The following NPY2R variants were observed in gnomAD, a reference collection of about 807,000 sequenced individuals.
The protein encoded by NPY2R is neuropeptide Y receptor type 2.
NPY2R carries 17 observed loss-of-function variants against 22.3 expected under a neutral mutation model. The observed-to-expected ratio is 0.76, with a 90% CI of 0.52 to 1.14. NPY2R has a LOEUF of 1.14. Among genes scored for constraint, NPY2R ranks in the 50% most tolerant of loss-of-function variants. The pLI is 0.00. For missense variants in NPY2R, 424 were observed against 467.9 expected, an observed-to-expected ratio of 0.91 and a Z score of 0.87; for synonymous variants, 209 against 183.4, an observed-to-expected ratio of 1.14 and a Z score of -1.13.
At position 155,214,811 on chromosome 4, in the gene NPY2R, T is replaced by C; in HGVS notation, c.872T>C (p.Val291Ala). 3 of 1,612,248 alleles carry C rather than the reference T, an allele frequency of 1.9e-6. No individual in the cohort carries two copies. Among genetic ancestry groups the C allele is most frequent in the Non-Finnish European group, 2.5e-6 (3 of 1,178,648 alleles). The change falls in exon 2 of 2, where the codon GTT becomes GCT. Residue 291 changes from valine (V) to alanine (A), a missense_variant. Val to Ala is a moderately conservative substitution (Grantham distance 64). Coordinates refer to ENST00000329476, the MANE Select transcript of NPY2R (RefSeq NM_000910.4). ...WLPLHAFQLA[V>A]DIDSQVLDLK... is the part of the protein sequence containing the mutation. ...CCTCTCCATGCCTTCCAGCTTGCCG[T>C]TGACATTGACAGCCAGGTCCTGGAC...
chr4:155,200,207 C>A, the NPY2R span, among the ~76,000 whole-genome samples: 1 of 152,050 alleles, frequency 6.6e-6, no homozygotes, highest in Non-Finnish European at 1.5e-5. Context: ...ACAGACACTT[C>A]TCAAAAGAAG....
chr4:155,174,965 C>G, the NPY2R span, among the ~76,000 whole-genome samples: 1 of 152,040 alleles, frequency 6.6e-6, no homozygotes, highest in Non-Finnish European at 1.5e-5. Flanking sequence ...AAACTATTCT[C>G]TAATGGAGAG....
chr4:155,208,698 C>G lies in NPY2R; in HGVS notation c.-420C>G, dbSNP rs1330512553. The G allele has an allele frequency of 2.0e-5, 3 of 152,926 alleles. No homozygotes were observed. The highest frequency in any genetic ancestry group is 1.5e-5 in the Non-Finnish European group (1 of 68,674). 9.5% of individuals were successfully genotyped at this position (152,926 alleles called of 1,614,324 possible). On this transcript the variant is annotated 5_prime_UTR_variant, in exon 1 of 2. Transcript: ENST00000329476. This position sits in a 1 kb window ranked among gnomAD's most constrained non-coding sequence, Gnocchi z 5.6. The stretch of plus-strand genomic sequence containing the variant: ...AAAACTTCTCCTCCAGTCCCCTCCC[C>G]TGCAGGACCATCGCCCGCAGCCTCT...
rs1245265569 is a variant in NPY2R at position 155,217,044 on chromosome 4, C to G, written c.*1959C>G. On this transcript the variant is annotated 3_prime_UTR_variant, in exon 2 of 2. Transcript: ENST00000329476. The stretch of plus-strand genomic sequence containing the variant: ...TAATAAAATACCTTTTATGTAGAGG[C>G]TTTATGTTGCAATTAAAAAGTTGGG... The G allele has an allele frequency of 1.8e-5, 3 of 166,120 alleles. No individual in the cohort carries two copies. The Admixed American group carries it at 2.0e-4, about 11-fold the overall frequency. 10.3% of individuals were successfully genotyped at this position (166,120 alleles called of 1,614,324 possible).
chr4:155,198,541 T>A, the NPY2R span, among the ~76,000 whole-genome samples: 7 of 84,214 alleles, frequency 8.3e-5, no homozygotes, highest in East Asian at 4.1e-3. Context: ...ATCAAATATC[T>A]TATATAAATA....
At chr4:155,180,126 T>C in the NPY2R span, among the ~76,000 whole-genome samples, 2 of 151,962 alleles carry the variant, frequency 1.3e-5, no homozygotes, top group Non-Finnish European at 2.9e-5. Flanking sequence ...TGCCATGTTG[T>C]CCAGGCTGTT....
chr4:155,206,933 A>G (rs1192929354), upstream of NPY2R: 2 of 152,254 alleles, frequency 1.3e-5, no homozygotes, highest in African/African-American at 4.8e-5. Flanking sequence ...CCTGTCACAT[A>G]TAACACATAT....
chr4:155,211,548 T>C (rs1203318129), intron 1 of NPY2R, among the ~76,000 whole-genome samples: 2 of 152,216 alleles, frequency 1.3e-5, no homozygotes, highest in African/African-American at 4.8e-5. Flanking sequence ...TTTTCTTCTA[T>C]AGGCCAGTGT....
chr4:155,201,004 G>T, the NPY2R span, among the ~76,000 whole-genome samples: 1 of 142,238 alleles, frequency 7.0e-6, no homozygotes, highest in Non-Finnish European at 1.5e-5. Flanking sequence ...CTTGTATCCT[G>T]GAACTTAAAG....
At chr4:155,185,197 G>A in the NPY2R span, among the ~76,000 whole-genome samples, 5 of 151,812 alleles carry the variant, frequency 3.3e-5, no homozygotes, top group South Asian at 2.1e-4. Flanking sequence ...CTGCCACCAC[G>A]CGTGGCTAAG....
the NPY2R span, among the ~76,000 whole-genome samples, chr4:155,200,875 G>C: frequency 3.3e-5 from 5 of 152,038 alleles, no homozygotes; most frequent in African/African-American, 4.8e-5. Context: ...TGAGGGGAGG[G>C]AGAGCATTAA....
chr4:155,188,941 T>G, the NPY2R span, among the ~76,000 whole-genome samples: 4 of 151,798 alleles, frequency 2.6e-5, no homozygotes, highest in African/African-American at 9.7e-5. Flanking sequence ...AGTGTTTTAC[T>G]TAGTAATAAA....
At chr4:155,178,476 A>C in the NPY2R span, among the ~76,000 whole-genome samples, 3 of 152,204 alleles carry the variant, frequency 2.0e-5, no homozygotes, top group Non-Finnish European at 4.4e-5. Context: ...CGAAGTTATA[A>C]AGTAAATTTT....
At chr4:155,173,967 T>C in the NPY2R span, among the ~76,000 whole-genome samples, 1 of 152,072 alleles carries the variant, frequency 6.6e-6, no homozygotes, top group African/African-American at 2.4e-5. Flanking sequence ...CATGTTTTAA[T>C]GCTTTAATAA....
At chr4:155,211,180 A>C (rs1234689908) in intron 1 of NPY2R, among the ~76,000 whole-genome samples, 1 of 152,226 alleles carries the variant, frequency 6.6e-6, no homozygotes, top group East Asian at 1.9e-4. Flanking sequence ...CAAATTGCTG[A>C]GTACCTTTAA....
At chr4:155,204,984 G>A (rs147264792), upstream of NPY2R, among the ~76,000 whole-genome samples, 569 of 152,126 alleles carry the variant, frequency 3.7e-3, 3 homozygotes, top group African/African-American at 0.013. Context: ...TGGACCTTCT[G>A]TAAAGGCCAT....
the NPY2R span, among the ~76,000 whole-genome samples, chr4:155,189,201 T>G: frequency 1.3e-5 from 2 of 152,072 alleles, no homozygotes; most frequent in Non-Finnish European, 2.9e-5. Context: ...TCTCAATGAC[T>G]GTACATTATC....
chr4:155,201,914 C>T, the NPY2R span, among the ~76,000 whole-genome samples: 2 of 152,136 alleles, frequency 1.3e-5, no homozygotes, highest in Non-Finnish European at 2.9e-5. Flanking sequence ...CTTCCTTTCA[C>T]TGACTATATA....
At chr4:155,212,055 C>T (rs1729415836) in intron 1 of NPY2R, among the ~76,000 whole-genome samples, 1 of 152,168 alleles carries the variant, frequency 6.6e-6, no homozygotes, top group Admixed American at 6.5e-5. Context: ...CAGAGCAGAA[C>T]AGAACAGAGG....
Sources: allele counts gnomAD v4.1 joint callset (sites outside exome capture counted in the v4.1 genomes callset), GRCh38; gene constraint gnomAD v4.1.1; non-coding constraint Gnocchi (gnomAD v3.1); transcripts MANE v1.5; gene names NCBI Gene and HGNC (gene_info 2026-07-23, HGNC 2026-07-21).